PTPRN2: variants seen among roughly 807,000 people sequenced by gnomAD.
The protein encoded by PTPRN2 is protein tyrosine phosphatase receptor type N2, also known as receptor-type tyrosine-protein phosphatase N2.
A neutral mutation model predicts 118.8 loss-of-function variants in PTPRN2; 74 were observed. The ratio of observed to expected loss-of-function variants is 0.62; its 90% CI spans 0.52 to 0.76. The LOEUF is 0.76. Ranked by LOEUF, PTPRN2 falls within the 30% of genes least tolerant of loss-of-function variation. The pLI is 0.00. For missense variants in PTPRN2, 1,481 were observed against 1,394.4 expected, an observed-to-expected ratio of 1.06 and a Z score of -0.99; for synonymous variants, 641 against 608.0, an observed-to-expected ratio of 1.05 and a Z score of -0.80.
chr7:157,602,833 T>C (rs187671118), intron 16 of PTPRN2, among the ~76,000 whole-genome samples: 2 of 152,256 alleles, frequency 1.3e-5, no homozygotes, highest in African/African-American at 4.8e-5. Context: ...CAAAGCTCCC[T>C]ATGGACGAGC....
intron 21 of PTPRN2, among the ~76,000 whole-genome samples, chr7:157,556,374 G>A (rs1010014746): frequency 4.8e-5 from 7 of 144,594 alleles, no homozygotes; most frequent in Non-Finnish European, 9.0e-5. Context: ...ACACAGGCAT[G>A]CACACACCAC....
At chr7:157,896,700 T>C (rs534774013) in intron 12 of PTPRN2, among the ~76,000 whole-genome samples, 14 of 152,124 alleles carry the variant, frequency 9.2e-5, no homozygotes, top group African/African-American at 3.4e-4. Flanking sequence ...GGCTCACGTG[T>C]GCGTAGACAA....
intron 1 of PTPRN2, among the ~76,000 whole-genome samples, chr7:158,583,064 G>A (rs1828715932): frequency 6.6e-6 from 1 of 152,108 alleles, no homozygotes; most frequent in Non-Finnish European, 1.5e-5. Flanking sequence ...GAACCCCTAT[G>A]TCTCCTTGAG....
chr7:157,917,510 G>A (rs553615596), intron 11 of PTPRN2, among the ~76,000 whole-genome samples: 7 of 152,314 alleles, frequency 4.6e-5, no homozygotes, highest in South Asian at 4.1e-4. Context: ...GCATGGCTGC[G>A]CAGTAATAAT....
chr7:157,698,664 A>G (rs980261592), intron 12 of PTPRN2, among the ~76,000 whole-genome samples: 3 of 152,256 alleles, frequency 2.0e-5, no homozygotes, highest in Admixed American at 2.0e-4. Context: ...AAGCACAGGT[A>G]CTTATAAACA....
intron 1 of PTPRN2, among the ~76,000 whole-genome samples, chr7:158,576,802 C>T (rs1260952418): frequency 6.6e-6 from 1 of 150,706 alleles, no homozygotes; most frequent in East Asian, 2.0e-4. Flanking sequence ...GGGCTCCCCA[C>T]CCTGCCTGAT....
chr7:157,630,024 A>G (rs1803842749), intron 14 of PTPRN2, among the ~76,000 whole-genome samples: 1 of 152,212 alleles, frequency 6.6e-6, no homozygotes, highest in Non-Finnish European at 1.5e-5. Context: ...TCATTAATAC[A>G]TGAACGGGAA....
At chr7:157,681,042 CT>C (rs5888727) in intron 13 of PTPRN2, among the ~76,000 whole-genome samples, 88,946 of 150,610 alleles carry the variant, frequency 0.59, 26,677 homozygotes, top group Non-Finnish European at 0.65. Flanking sequence ...ACTGGGAAGG[CT>C]TTTTTTTTTC....
intron 6 of PTPRN2, among the ~76,000 whole-genome samples, chr7:158,138,822 C>A (rs1380556682): frequency 6.6e-6 from 1 of 152,172 alleles, no homozygotes; most frequent in Non-Finnish European, 1.5e-5. Flanking sequence ...ATGACCAAGC[C>A]AGGAAGAGAG....
At chr7:158,217,595 G>A (rs189974549) in intron 3 of PTPRN2, among the ~76,000 whole-genome samples, 1 of 152,222 alleles carries the variant, frequency 6.6e-6, no homozygotes, top group Non-Finnish European at 1.5e-5. Flanking sequence ...CCCAGCAATG[G>A]TTCTTAATCA....
At position 158,453,369 on chromosome 7, in the gene PTPRN2, G is replaced by A. The variant is rs59890595; in HGVS notation, c.163+36366C>T. Among the ~76,000 whole-genome samples the A allele has an allele frequency of 6.5e-3, 332 of 51,394 alleles. 2 individuals are homozygous for A. Among genetic ancestry groups the A allele is most frequent in the Admixed American group, 0.015 (61 of 3,988 alleles). 33.7% of individuals were successfully genotyped at this position (51,394 alleles called of 152,430 possible). The stretch of plus-strand genomic sequence containing the variant: ...CAGGGTTGGCTAACACAGCCTGGAT[G>A]TAGGGGAATTGAAAGAGGACAGTCC... On this transcript the variant is annotated intron_variant, in intron 2 of 22. Transcript: ENST00000389418.
chr7:157,992,563 TAAAAC>T (rs947398948), intron 11 of PTPRN2, among the ~76,000 whole-genome samples: 3 of 152,150 alleles, frequency 2.0e-5, no homozygotes, highest in Admixed American at 1.3e-4. Flanking sequence ...TAAATAAAAA[TAAAAC>T]AAAACAAAAT....
Position 158,121,771 on chromosome 7 carries a change from T to C in PTPRN2, c.1557-10856A>G, listed in dbSNP as rs933648065. On this transcript the variant is annotated intron_variant, in intron 9 of 22. Transcript: ENST00000389418. The stretch of plus-strand genomic sequence containing the variant: ...CCACAAGCCAAGGTGTCCCCAGTTA[T>C]ACAAAGTGTACGGGACGTGCAGTCC... 3.2e-4 allele frequency among the ~76,000 whole-genome samples: 49 copies of C among 152,334 alleles called. 1 individual carries two copies. Among genetic ancestry groups the C allele is most frequent in the Admixed American group, 3.1e-3 (48 of 15,298 alleles).
chr7:158,144,529 T>C (rs55650416), intron 6 of PTPRN2, among the ~76,000 whole-genome samples: 15,295 of 152,164 alleles, frequency 0.1, 839 homozygotes, highest in African/African-American at 0.14. Context: ...ATCCCAGCTA[T>C]GCAGGAGACT....
In PTPRN2 at chr7:158,015,065, T is replaced by A. The variant is rs1167482312; in HGVS notation, c.1723+66233A>T. ...TTGTCTCTCTTTTTCTTCCCTTGTA[T>A]CTTGCAAATCCCTCAGATAAAAGTG... On this transcript the variant is annotated intron_variant, in intron 11 of 22. Transcript: ENST00000389418. The surrounding 1 kb of genome is among the most constrained non-coding windows in gnomAD (Gnocchi z 4.2). Among the ~76,000 whole-genome samples the A allele has an allele frequency of 6.6e-6, 1 of 152,224 alleles. No homozygotes were observed. Among genetic ancestry groups the A allele is most frequent in the Non-Finnish European group, 1.5e-5 (1 of 68,042 alleles).
chr7:158,431,595 TCACACTGGCC>T (rs1816192430), intron 2 of PTPRN2, among the ~76,000 whole-genome samples: 1 of 109,824 alleles, frequency 9.1e-6, no homozygotes, highest in Non-Finnish European at 1.8e-5. Context: ...TCACACTGGC[TCACACTGGCC>T]ACACACTGGC....
In PTPRN2 at chr7:157,627,699, C is replaced by T. The variant is rs759380167; in HGVS notation, c.2197-6190G>A. On this transcript the variant is annotated intron_variant, in intron 14 of 22. Coordinates refer to ENST00000389418, the MANE Select transcript of PTPRN2 (RefSeq NM_002847.5). The surrounding 1 kb of genome is among the most constrained non-coding windows in gnomAD (Gnocchi z 4.2). ...TCTCCAACCTTCTCAAATTCTCATA[C>T]TTCCTGAGGGCCTAGACATGATGTG... 2.0e-5 allele frequency among the ~76,000 whole-genome samples: 3 copies of T among 152,168 alleles called. No homozygotes were observed. The highest frequency in any genetic ancestry group is 2.1e-4 in the South Asian group (1 of 4,828).
intron 1 of PTPRN2, among the ~76,000 whole-genome samples, chr7:158,519,825 T>C (rs1021611921): frequency 5.3e-5 from 8 of 152,138 alleles, no homozygotes; most frequent in Non-Finnish European, 1.0e-4. Flanking sequence ...GCCTCCCCCA[T>C]GGCATGGAAA....
chr7:157,859,983 CGGCCA>C, intron 12 of PTPRN2, among the ~76,000 whole-genome samples: 1 of 148,680 alleles, frequency 6.7e-6, no homozygotes, highest in Admixed American at 6.7e-5. Flanking sequence ...GGGAGAGCCC[CGGCCA>C]CCACCCACAC....
Sources: gnomAD v4.1 joint callset for allele counts (sites outside exome capture counted in the v4.1 genomes callset) on GRCh38, gnomAD v4.1.1 for gene constraint, Gnocchi (gnomAD v3.1) non-coding constraint, MANE v1.5 for transcripts, NCBI Gene and HGNC (gene_info 2026-07-23, HGNC 2026-07-21) for gene names.